Variants in NAALADL2 observed in about 807,000 individuals in gnomAD.
The protein encoded by NAALADL2 is inactive N-acetylated-alpha-linked acidic dipeptidase-like protein 2.
A neutral mutation model predicts 87.2 loss-of-function variants in NAALADL2; 76 were observed. The ratio of observed to expected loss-of-function variants is 0.87; its 90% confidence interval spans 0.72 to 1.05. The LOEUF (loss-of-function observed/expected upper bound fraction) is 1.05. Ranked by LOEUF, NAALADL2 falls within the 50% of genes least tolerant of loss-of-function variation. The probability of loss-of-function intolerance (pLI) is 0.00; values close to 1 mark genes in which losing one functional copy is unlikely to be tolerated. For synonymous variants in NAALADL2, 354 were observed against 331.0 expected (o/e 1.07, Z -0.75); for missense variants, 1,089 against 945.8 (o/e 1.15, Z -1.99).
chr3:174,813,482 G>A (rs569998539), intron 3 of NAALADL2, among the ~76,000 whole-genome samples: 1 of 152,308 alleles, frequency 6.6e-6, no homozygotes, highest in South Asian at 2.1e-4. Context: ...AAAGGCTGTA[G>A]AGGTTTGTAG....
At chr3:174,609,979 G>T (rs1002957219) in intron 2 of NAALADL2, among the ~76,000 whole-genome samples, 19 of 152,134 alleles carry the variant, frequency 1.2e-4, no homozygotes, top group African/African-American at 4.3e-4. Flanking sequence ...TAGATCAATG[G>T]AACAGAACAG....
chr3:175,799,089 C>A (rs897559103), intron 13 of NAALADL2, among the ~76,000 whole-genome samples: 4 of 151,972 alleles, frequency 2.6e-5, no homozygotes, highest in Non-Finnish European at 5.9e-5. Flanking sequence ...GCATACTAAA[C>A]AATTTGTCCT....
At chr3:175,677,327 C>T (rs1189754360) in intron 11 of NAALADL2, among the ~76,000 whole-genome samples, 1 of 151,916 alleles carries the variant, frequency 6.6e-6, no homozygotes, top group Non-Finnish European at 1.5e-5. Flanking sequence ...CGTGCCCTTG[C>T]ACTCCAGCCT....
chr3:175,787,519 C>G (rs920245920), intron 13 of NAALADL2, among the ~76,000 whole-genome samples: 20 of 152,204 alleles, frequency 1.3e-4, no homozygotes, highest in African/African-American at 4.8e-4. Flanking sequence ...AAAGGGAACT[C>G]CCTGACCCCT....
chr3:175,264,363 T>A (rs1056898846), intron 4 of NAALADL2, among the ~76,000 whole-genome samples: 2 of 151,888 alleles, frequency 1.3e-5, no homozygotes, highest in Non-Finnish European at 2.9e-5. Context: ...CTTTTATATA[T>A]GAAGCCCTTA....
chr3:174,970,463 A>G (rs2108603410), intron 1 of NAALADL2, among the ~76,000 whole-genome samples: 1 of 152,308 alleles, frequency 6.6e-6, no homozygotes, highest in Non-Finnish European at 1.5e-5. Context: ...ATCTGGTCCA[A>G]GATGATCAAC....
chr3:175,691,507 T>C lies in NAALADL2; in HGVS notation c.1897-45799T>C, dbSNP rs1207660952. ...TTACTGAAATTCTTACTGTTTGTAATATTTTATCAATTGACTTTGGGTTTT... is the reference window on the plus strand; with the variant it reads ...TTACTGAAATTCTTACTGTTTGTAACATTTTATCAATTGACTTTGGGTTTT... On this transcript the variant is annotated intron_variant, in intron 11 of 13. Coordinates refer to ENST00000454872, the MANE Select transcript of NAALADL2 (RefSeq NM_207015.3). Among the ~76,000 whole-genome samples the C allele has an allele frequency of 2.0e-5, 3 of 151,938 alleles. No individual in the cohort carries two copies. The East Asian group carries it at 5.8e-4, about 29-fold the overall frequency.
chr3:174,888,827 A>T (rs1485998840), intron 1 of NAALADL2, among the ~76,000 whole-genome samples: 1 of 152,260 alleles, frequency 6.6e-6, no homozygotes, highest in Non-Finnish European at 1.5e-5. Context: ...CGGCATAAAC[A>T]TATAAATTGA....
chr3:174,557,618 A>G (rs1299106243), intron 2 of NAALADL2, among the ~76,000 whole-genome samples: 1 of 152,060 alleles, frequency 6.6e-6, no homozygotes, highest in Non-Finnish European at 1.5e-5. Context: ...ATGGAGAAAT[A>G]TTTTCATCCA....
chr3:175,539,770 A>G (rs1054767256), intron 9 of NAALADL2, among the ~76,000 whole-genome samples: 2 of 152,174 alleles, frequency 1.3e-5, no homozygotes, highest in African/African-American at 2.4e-5. Flanking sequence ...GGTCTTGTAA[A>G]GTGAGGAATG....
chr3:174,608,971 A>C (rs534899479), intron 2 of NAALADL2, among the ~76,000 whole-genome samples: 1,851 of 151,716 alleles, frequency 0.012, 42 homozygotes, highest in African/African-American at 0.042. Context: ...CACCATGATC[A>C]AGTGGGCTTC....
chr3:175,590,833 G>C (rs1454485224), intron 10 of NAALADL2, among the ~76,000 whole-genome samples: 1 of 152,040 alleles, frequency 6.6e-6, no homozygotes, highest in East Asian at 1.9e-4. Flanking sequence ...CATAAATCAG[G>C]GTTTAATGAT....
At chr3:175,049,647 G>T (rs1324285172) in intron 1 of NAALADL2, among the ~76,000 whole-genome samples, 4 of 152,100 alleles carry the variant, frequency 2.6e-5, no homozygotes, top group Non-Finnish European at 5.9e-5. Context: ...AAATACCAGA[G>T]TTTTTTCCTG....
chr3:174,450,812 G>T (rs1183647705), intron 1 of NAALADL2, among the ~76,000 whole-genome samples: 1 of 142,018 alleles, frequency 7.0e-6, no homozygotes, highest in Non-Finnish European at 1.5e-5. Context: ...AGGGGTTGTA[G>T]TGAGCCGAGA....
chr3:174,833,896 G>T (rs1579122832), intron 3 of NAALADL2, among the ~76,000 whole-genome samples: 2 of 150,650 alleles, frequency 1.3e-5, no homozygotes, highest in East Asian at 4.0e-4. Context: ...GAAAAAGATT[G>T]TTTTCTCACT....
intron 1 of NAALADL2, among the ~76,000 whole-genome samples, chr3:174,870,513 G>A (rs1364275225): frequency 6.6e-6 from 1 of 151,964 alleles, no homozygotes; most frequent in African/African-American, 2.4e-5. Context: ...GGAAATATTT[G>A]AAGACATTTG....
At chr3:174,858,758 T>C (rs892336062), upstream of NAALADL2, among the ~76,000 whole-genome samples, 1 of 151,940 alleles carries the variant, frequency 6.6e-6, no homozygotes, top group East Asian at 1.9e-4. Flanking sequence ...AGCACAGCCA[T>C]ACATTAGTGT....
chr3:175,592,735 G>A (rs1166098470), intron 10 of NAALADL2, among the ~76,000 whole-genome samples: 1 of 120,398 alleles, frequency 8.3e-6, no homozygotes, highest in Non-Finnish European at 1.6e-5. Context: ...TCTGGGGACT[G>A]TTGTGGGGTG....
At chr3:174,873,327 T>G (rs1207527168) in intron 1 of NAALADL2, among the ~76,000 whole-genome samples, 1 of 152,206 alleles carries the variant, frequency 6.6e-6, no homozygotes, top group South Asian at 2.1e-4. Flanking sequence ...CAATCTTGGC[T>G]CACTGCAACC....
Sources: allele counts gnomAD v4.1 joint callset (sites outside exome capture counted in the v4.1 genomes callset), GRCh38; gene constraint gnomAD v4.1.1; transcripts MANE v1.5; gene names NCBI Gene and HGNC (gene_info 2026-07-23, HGNC 2026-07-21).